TMEM41B: variants seen among roughly 807,000 people sequenced by gnomAD.
TMEM41B encodes the protein protein stasimon.
In TMEM41B, 18 loss-of-function variants were observed where a neutral mutation model predicts 31.9. That is an observed-to-expected ratio of 0.56 (90% confidence interval 0.39 to 0.84). TMEM41B has a LOEUF of 0.84. Among genes scored for constraint, TMEM41B ranks in the 40% least tolerant of loss-of-function variants. The probability of loss-of-function intolerance (pLI) is 0.00; values close to 1 mark genes in which losing one functional copy is unlikely to be tolerated. For missense variants in TMEM41B, 322 were observed against 348.0 expected, an observed-to-expected ratio of 0.93 and a Z score of 0.59; for synonymous variants, 144 against 124.3, an observed-to-expected ratio of 1.16 and a Z score of -1.05.
chr11:9,297,225 C>CTAG (rs1853118338), intron 2 of TMEM41B, among the ~76,000 whole-genome samples: 1 of 152,292 alleles, frequency 6.6e-6, no homozygotes, highest in African/African-American at 2.4e-5. Context: ...GCTGGGACTA[C>CTAG]GGGCGCCCGC....
In TMEM41B at chr11:9,281,878, A is replaced by G. The variant is rs1004555988; in HGVS notation, c.*1546T>C. Reference sequence around the variant, plus strand: ...ATAAAAAGAATAATTACATAATATTATTAAATATATTCCTTAATGACCAGA... The same window carrying G: ...ATAAAAAGAATAATTACATAATATTGTTAAATATATTCCTTAATGACCAGA... On this transcript the variant is annotated 3_prime_UTR_variant, in exon 7 of 7. Coordinates refer to ENST00000528080, the MANE Select transcript of TMEM41B (RefSeq NM_015012.4). The G allele has an allele frequency of 6.6e-6, 1 of 152,226 alleles. No individual in the cohort carries two copies. Among genetic ancestry groups the G allele is most frequent in the Non-Finnish European group, 1.5e-5 (1 of 68,040 alleles). The allele number at this position is 152,226 out of a possible 1,614,324, so 9.4% of individuals were successfully genotyped here. A position where few individuals can be genotyped will look rare whatever the true frequency, so the allele number is the denominator to read the frequency against.
chr11:9,314,407 A>G lies in TMEM41B; in HGVS notation c.35T>C (p.Leu12Ser), dbSNP rs748975441. Residue 12 changes from leucine to serine, a missense_variant, in exon 1 of 7, where the codon TTG becomes TCG. Around this residue, in one of 3 missense-constraint regions of TMEM41B, gnomAD observed 183 missense variants for 175.3 expected, o/e 1.04. Coordinates refer to ENST00000528080, the MANE Select transcript of TMEM41B (RefSeq NM_015012.4). Reference sequence around the variant, plus strand: ...CACGGGGGTCGTGTGGTGAGCGCCCAACTGCGATCGTTCGGCGACTCTGCC... The same window carrying G: ...CACGGGGGTCGTGTGGTGAGCGCCCGACTGCGATCGTTCGGCGACTCTGCC... Reference protein sequence around the residue: ...AKGRVAERSQLGAHHTTPVGD... With the variant: ...AKGRVAERSQSGAHHTTPVGD... 9.6e-6 allele frequency: 15 copies of G among 1,567,174 alleles called. No individual in the cohort carries two copies. Among genetic ancestry groups the G allele is most frequent in the Admixed American group, 1.9e-5 (1 of 53,830 alleles).
At chr11:9,313,161 T>C (rs186881339) in intron 1 of TMEM41B, among the ~76,000 whole-genome samples, 3 of 152,316 alleles carry the variant, frequency 2.0e-5, no homozygotes, top group Admixed American at 6.5e-5. Context: ...AAACAATCTT[T>C]CTTTTATTCA....
intron 1 of TMEM41B, among the ~76,000 whole-genome samples, chr11:9,313,622 G>C (rs571264209): frequency 1.3e-5 from 2 of 152,182 alleles, no homozygotes; most frequent in Non-Finnish European, 2.9e-5. Flanking sequence ...GGATGATGTA[G>C]TGGGGAAATA....
At chr11:9,307,492 G>A (rs529221137) in intron 1 of TMEM41B, among the ~76,000 whole-genome samples, 1 of 151,754 alleles carries the variant, frequency 6.6e-6, no homozygotes, top group Admixed American at 6.6e-5. Context: ...GCCCAAGCTG[G>A]AGTGCAATGG....
At chr11:9,307,931 G>A (rs1853441197) in intron 1 of TMEM41B, among the ~76,000 whole-genome samples, 1 of 151,460 alleles carries the variant, frequency 6.6e-6, no homozygotes, top group African/African-American at 2.4e-5. Flanking sequence ...TGTATTTTTA[G>A]TAGAGACGGG....
chr11:9,307,600 G>A (rs759660459), intron 1 of TMEM41B, among the ~76,000 whole-genome samples: 5 of 148,286 alleles, frequency 3.4e-5, no homozygotes, highest in Non-Finnish European at 7.4e-5. Context: ...GGGCCACCAC[G>A]TCCGGCTAAT....
chr11:9,283,370 C>G lies in TMEM41B; in HGVS notation c.*54G>C. 2.9e-6 allele frequency: 4 copies of G among 1,374,152 alleles called. No homozygotes were observed. The highest frequency in any genetic ancestry group is 4.0e-6 in the Non-Finnish European group (4 of 998,234). The allele number at this position is 1,374,152 out of a possible 1,614,324, so 85.1% of individuals were successfully genotyped here. Reference sequence around the variant, plus strand: ...TGATTTTAAAACATAAATGGATGCACCTGTTAATCCTGAGATGGTGATGAC... The same window carrying G: ...TGATTTTAAAACATAAATGGATGCAGCTGTTAATCCTGAGATGGTGATGAC... On this transcript the variant is annotated 3_prime_UTR_variant, in exon 7 of 7. Transcript: ENST00000528080.
intron 3 of TMEM41B, among the ~76,000 whole-genome samples, chr11:9,292,846 A>G (rs1363613365): frequency 6.6e-6 from 1 of 152,028 alleles, no homozygotes; most frequent in African/African-American, 2.4e-5. Context: ...ACTATTTTCC[A>G]TAGTAGCTGC....
At position 9,291,863 on chromosome 11, in the gene TMEM41B, A is replaced by G. The variant is rs558280663; in HGVS notation, c.369-3328T>C. ...GTTGGAATCACAGACGCCTGCCACCATAACTGGCTAATTTTTGTATTTTTA... is the reference window on the plus strand; with the variant it reads ...GTTGGAATCACAGACGCCTGCCACCGTAACTGGCTAATTTTTGTATTTTTA... On this transcript the variant is annotated intron_variant, in intron 3 of 6. Transcript: ENST00000528080. Among the ~76,000 whole-genome samples, 280 of 152,192 alleles carry G rather than the reference A, an allele frequency of 1.8e-3. 2 individuals carry two copies. Among genetic ancestry groups the G allele is most frequent in the African/African-American group, 6.5e-3 (269 of 41,524 alleles).
chr11:9,311,479 A>C, intron 1 of TMEM41B: 1 of 1,431,684 alleles, frequency 7.0e-7, no homozygotes, highest in Non-Finnish European at 9.7e-7. Context: ...GAGGATTGGC[A>C]TCCTGGATAC....
At chr11:9,303,549 C>A (rs1853305880) in intron 1 of TMEM41B, among the ~76,000 whole-genome samples, 1 of 151,808 alleles carries the variant, frequency 6.6e-6, no homozygotes, top group African/African-American at 2.4e-5. Context: ...CTTACCTATT[C>A]ATTAAATTTA....
intron 2 of TMEM41B, among the ~76,000 whole-genome samples, chr11:9,297,374 C>A (rs931226334): frequency 6.6e-6 from 1 of 152,268 alleles, no homozygotes; most frequent in East Asian, 1.9e-4. Context: ...CATGAGCCAC[C>A]GCGCCAGGCC....
At chr11:9,286,072 GCCACTGTA>G (rs1269456119) in intron 6 of TMEM41B, among the ~76,000 whole-genome samples, 2 of 152,172 alleles carry the variant, frequency 1.3e-5, no homozygotes, top group Admixed American at 6.6e-5. Context: ...CCGAGATCAT[GCCACTGTA>G]CTCCAGCCTG....
In TMEM41B at chr11:9,299,608, T is replaced by C. The variant is rs1853196466; in HGVS notation, c.215A>G (p.Tyr72Cys). The part of the protein sequence containing the change: ...LSAAFVMFLV[Y>C]KNFPQLSEEE... ...CTCACTAAGCTGAGGAAAATTTTTATATACCAAAAACATAACAAAAGCTGC... is the reference window on the plus strand; with the variant it reads ...CTCACTAAGCTGAGGAAAATTTTTACATACCAAAAACATAACAAAAGCTGC... The change falls in exon 2 of 7, where the codon TAT becomes TGT. Residue 72 changes from tyrosine (Y) to cysteine (C), a missense_variant. Around this residue, in one of 3 missense-constraint regions of TMEM41B, gnomAD observed 183 missense variants for 175.3 expected, o/e 1.04. Coordinates refer to ENST00000528080, the MANE Select transcript of TMEM41B (RefSeq NM_015012.4). 2 of 1,610,972 alleles carry C rather than the reference T, an allele frequency of 1.2e-6. No homozygotes were observed. Among genetic ancestry groups the C allele is most frequent in the Non-Finnish European group, 8.5e-7 (1 of 1,178,648 alleles).
chr11:9,283,333 T>G lies in TMEM41B; in HGVS notation c.*91A>C, dbSNP rs1050137361. 1.5e-5 allele frequency: 15 copies of G among 977,158 alleles called. No individual in the cohort carries two copies. The highest frequency in any genetic ancestry group is 2.2e-5 in the Non-Finnish European group (15 of 673,874). 60.5% of individuals were successfully genotyped at this position (977,158 alleles called of 1,614,324 possible). ...TTTATTTTACAAATTCCTTGTTTAA[T>G]TACTGAAGAGGTGATTTTAAAACAT... On this transcript the variant is annotated 3_prime_UTR_variant, in exon 7 of 7. Coordinates refer to ENST00000528080, the MANE Select transcript of TMEM41B (RefSeq NM_015012.4).
intron 1 of TMEM41B, among the ~76,000 whole-genome samples, chr11:9,313,300 T>C (rs1225191480): frequency 6.6e-6 from 1 of 152,222 alleles, no homozygotes; most frequent in Non-Finnish European, 1.5e-5. Context: ...AATTAGACTG[T>C]TGGAGACATT....
intron 1 of TMEM41B, among the ~76,000 whole-genome samples, chr11:9,300,405 AC>A (rs1324159987): frequency 1.3e-5 from 2 of 152,210 alleles, no homozygotes; most frequent in African/African-American, 4.8e-5. Context: ...CAATTACTTC[AC>A]CTGTTTTAAG....
intron 2 of TMEM41B, among the ~76,000 whole-genome samples, chr11:9,299,325 T>TACATACACACACACAC (rs1554943934): frequency 1.6e-5 from 2 of 123,144 alleles, no homozygotes. Context: ...TATACATACA[T>TACATACACACACACAC]ACACACACAC....
Sources: allele counts gnomAD v4.1 joint callset (sites outside exome capture counted in the v4.1 genomes callset), GRCh38; gene constraint gnomAD v4.1.1; regional missense constraint gnomAD v4.1.1; transcripts MANE v1.5; gene names NCBI Gene and HGNC (gene_info 2026-07-23, HGNC 2026-07-21).